STOX2: variants seen among roughly 807,000 people sequenced by gnomAD.
STOX2 encodes storkhead box 2.
Under a neutral mutation model 60.9 loss-of-function variants are expected in STOX2, and 28 were observed. The observed-to-expected ratio is 0.46, with a 90% CI of 0.34 to 0.63. The LOEUF is 0.63. STOX2 is among the 30% of genes least tolerant of loss of function. The pLI is 0.01. For missense variants in STOX2, 1,024 were observed against 1,187.7 expected (o/e 0.86, Z 2.03); for synonymous variants, 472 against 463.9 (o/e 1.02, Z -0.22).
At chr4:184,003,534 C>T (rs1318769166) in intron 2 of STOX2, among the ~76,000 whole-genome samples, 1 of 152,226 alleles carries the variant, frequency 6.6e-6, no homozygotes, top group Non-Finnish European at 1.5e-5. Context: ...CATTGGTCAG[C>T]CTCAGAAGTT....
intron 1 of STOX2, among the ~76,000 whole-genome samples, chr4:183,936,205 C>A (rs1301251132): frequency 6.8e-6 from 1 of 147,418 alleles, no homozygotes; most frequent in Non-Finnish European, 1.5e-5. Flanking sequence ...CCTTGGCAAA[C>A]GCTGTTGTTT....
intron 1 of STOX2, among the ~76,000 whole-genome samples, chr4:183,817,782 A>G (rs1402361453): frequency 6.6e-6 from 1 of 152,196 alleles, no homozygotes; most frequent in East Asian, 1.9e-4. Context: ...GGTATTGAAA[A>G]GAGAACTCCA....
At chr4:183,903,341 T>C (rs942533349), upstream of STOX2, among the ~76,000 whole-genome samples, 10 of 152,202 alleles carry the variant, frequency 6.6e-5, no homozygotes. Flanking sequence ...TTGCACAGAC[T>C]GTTCCCCCTT....
Position 184,009,159 on chromosome 4 carries a change from TG to T in STOX2, c.322del (p.Val108PhefsTer13). On this transcript the variant is annotated frameshift_variant and splice_region_variant, in exon 3 of 4. Transcript: ENST00000308497. LOFTEE classifies it high-confidence loss of function. The surrounding 1 kb of genome is among the most constrained non-coding windows in gnomAD (Gnocchi z 4.0). Reference protein sequence around the residue: ...MEHLTTCFPGVPTPSQEILRH... With the variant: ...MEHLTTCFPGXPTPSQEILRH... ...TGGTTTTTTTTTTTTTTTTTTCAGG[TG>T]TTCCAACGCCAAGCCAAGAAATTCT... 2 of 702,156 alleles carry T rather than the reference TG, an allele frequency of 2.8e-6. No homozygotes were observed. The highest frequency in any genetic ancestry group is 2.2e-5 in the South Asian group (1 of 46,194). 43.5% of individuals were successfully genotyped at this position (702,156 alleles called of 1,614,324 possible).
intron 1 of STOX2, among the ~76,000 whole-genome samples, chr4:183,860,761 G>A (rs1440100680): frequency 6.6e-6 from 1 of 152,138 alleles, no homozygotes; most frequent in African/African-American, 2.4e-5. Flanking sequence ...TCAAAGTTCT[G>A]ATGGGGCCTG....
At chr4:183,913,468 C>T (rs1400879778) in intron 1 of STOX2, among the ~76,000 whole-genome samples, 3 of 151,878 alleles carry the variant, frequency 2.0e-5, no homozygotes, top group Non-Finnish European at 1.5e-5. Flanking sequence ...AGTAAGACGA[C>T]GGCCATAGAA....
intron 1 of STOX2, among the ~76,000 whole-genome samples, chr4:183,973,678 A>T (rs1436235310): frequency 6.6e-6 from 1 of 152,204 alleles, no homozygotes; most frequent in Non-Finnish European, 1.5e-5. Flanking sequence ...GAGTAAATAT[A>T]ATTATTCTCT....
At chr4:183,996,830 A>G (rs563560066) in intron 1 of STOX2, among the ~76,000 whole-genome samples, 14 of 152,246 alleles carry the variant, frequency 9.2e-5, no homozygotes, top group African/African-American at 2.6e-4. Context: ...TTGGAGGCCT[A>G]TTTCTCATGC....
chr4:183,974,826 G>A (rs187747922), intron 1 of STOX2, among the ~76,000 whole-genome samples: 3 of 152,228 alleles, frequency 2.0e-5, no homozygotes, highest in African/African-American at 7.2e-5. Flanking sequence ...TGGAAAAACT[G>A]AACAATGCCA....
At chr4:183,847,890 T>C (rs1233425398) in intron 1 of STOX2, among the ~76,000 whole-genome samples, 5 of 152,142 alleles carry the variant, frequency 3.3e-5, no homozygotes, top group Non-Finnish European at 7.4e-5. Flanking sequence ...TTACAAATAG[T>C]GTGTATATAA....
intron 1 of STOX2, among the ~76,000 whole-genome samples, chr4:183,936,345 C>G (rs1323666217): frequency 6.6e-6 from 1 of 151,814 alleles, no homozygotes; most frequent in African/African-American, 2.4e-5. Context: ...CACCGCTTTT[C>G]TTTGTTTGTA....
intron 1 of STOX2, among the ~76,000 whole-genome samples, chr4:183,892,766 GT>G (rs200350858): frequency 2.0e-5 from 3 of 151,862 alleles, no homozygotes; most frequent in Admixed American, 2.0e-4. Context: ...CTCCGAGGCA[GT>G]TTTTTTTCAC....
In STOX2 at chr4:184,022,913, A is replaced by G. The variant is rs1411683492; in HGVS notation, c.*5629A>G. Reference sequence around the variant, plus strand: ...GCTGCCCTAGGGTCACCTTCATGCAAGTATTGACAGCTACAAATTAAAGTC... The same window carrying G: ...GCTGCCCTAGGGTCACCTTCATGCAGGTATTGACAGCTACAAATTAAAGTC... On this transcript the variant is annotated 3_prime_UTR_variant, in exon 4 of 4. Transcript: ENST00000308497. 6.6e-6 allele frequency: 1 copy of G among 152,182 alleles called. No homozygotes were observed. Among genetic ancestry groups the G allele is most frequent in the African/African-American group, 2.4e-5 (1 of 41,432 alleles). The allele number at this position is 152,182 out of a possible 1,614,324, so 9.4% of individuals were successfully genotyped here.
intron 1 of STOX2, among the ~76,000 whole-genome samples, chr4:183,914,684 C>A (rs1486251884): frequency 6.6e-6 from 1 of 152,066 alleles, no homozygotes; most frequent in Non-Finnish European, 1.5e-5. Flanking sequence ...GCTTTCTGTT[C>A]CCCTTCTTGG....
rs1734509698 is a variant in STOX2, at chr4:184,019,929, G to A, written c.*2645G>A. On this transcript the variant is annotated 3_prime_UTR_variant, in exon 4 of 4. Transcript: ENST00000308497. Reference sequence around the variant, plus strand: ...TTTCCTCCTGTAAAATCATAGCTTTGTGTTACACGACTGCTTATCCAGTCT... The same window carrying A: ...TTTCCTCCTGTAAAATCATAGCTTTATGTTACACGACTGCTTATCCAGTCT... The A allele has an allele frequency of 1.3e-5, 2 of 152,160 alleles. No individual in the cohort carries two copies. Among genetic ancestry groups the A allele is most frequent in the South Asian group, 4.1e-4 (2 of 4,824 alleles). 9.4% of individuals were successfully genotyped at this position (152,160 alleles called of 1,614,324 possible).
In STOX2 at chr4:183,854,275, T is replaced by C. The variant is rs149313281; in HGVS notation, c.364+56220T>C. Among the ~76,000 whole-genome samples, 112 of 152,380 alleles carry C rather than the reference T, an allele frequency of 7.4e-4. 2 individuals carry two copies. The East Asian group carries it at 0.02, about 27-fold the overall frequency. On this transcript the variant is annotated intron_variant, in intron 1 of 2. Transcript: ENST00000513034. ...TTATTCTTGAGAAGGTACTTTCTCA[T>C]GAACCTCCATTAAATATCAGTAGAA...
chr4:184,015,704 C>T (rs995424652), intron 3 of STOX2: 1 of 152,242 alleles, frequency 6.6e-6, no homozygotes, highest in Non-Finnish European at 1.5e-5. Flanking sequence ...AGGATGTCTT[C>T]GCTGTAGTAG....
intron 1 of STOX2, among the ~76,000 whole-genome samples, chr4:183,927,477 A>C (rs573214703): frequency 1.3e-5 from 2 of 152,076 alleles, no homozygotes; most frequent in Admixed American, 6.5e-5. Flanking sequence ...CCTCTAAAAA[A>C]GGGTCATTTA....
intron 1 of STOX2, among the ~76,000 whole-genome samples, chr4:183,976,584 A>T (rs1209432934): frequency 6.6e-6 from 1 of 152,172 alleles, no homozygotes; most frequent in African/African-American, 2.4e-5. Flanking sequence ...GAGGGCATGG[A>T]TTAAAAATTA....
Sources: gnomAD v4.1 joint callset for allele counts (sites outside exome capture counted in the v4.1 genomes callset) on GRCh38, gnomAD v4.1.1 for gene constraint, Gnocchi (gnomAD v3.1) non-coding constraint, MANE v1.5 for transcripts, NCBI Gene and HGNC (gene_info 2026-07-23, HGNC 2026-07-21) for gene names.